The following RLF variants were observed in gnomAD, a reference collection of about 807,000 sequenced individuals.
RLF encodes the protein RLF zinc finger.
RLF carries 7 observed loss-of-function variants against 162.9 expected under a neutral mutation model. The ratio of observed to expected loss-of-function variants is 0.04; its 90% CI spans 0.02 to 0.08. The LOEUF is 0.08. RLF is among the 10% of genes least tolerant of loss of function. RLF has a pLI of 1.00. For missense variants in RLF, 1,664 were observed against 2,244.7 expected, an observed-to-expected ratio of 0.74 and a Z score of 5.23; for synonymous variants, 782 against 791.5, an observed-to-expected ratio of 0.99 and a Z score of 0.20.
intron 6 of RLF, among the ~76,000 whole-genome samples, chr1:40,230,609 T>G (rs1643140931): frequency 6.6e-6 from 1 of 152,094 alleles, no homozygotes; most frequent in Non-Finnish European, 1.5e-5. Context: ...AGTTTTATAT[T>G]TGTAGTAGAG....
intron 3 of RLF, among the ~76,000 whole-genome samples, chr1:40,193,162 T>TTATTTCTG (rs1642583639): frequency 6.6e-6 from 1 of 151,242 alleles, no homozygotes; most frequent in African/African-American, 2.4e-5. Flanking sequence ...TCTTGTGCTA[T>TTATTTCTG]TATTTCTGTA....
In RLF at chr1:40,239,085, C is replaced by T. The variant is rs1643255835; in HGVS notation, c.4383C>T (p.Tyr1461=). ...AGATTTTCACCCATCGCAGTAATTA[C>T]TCACAACATGTATATTACCGACATA... ...CGQIFTHRSN[Y]SQHVYYRHKD... Residue 1461 remains tyrosine, a synonymous_variant, in exon 8 of 8, where the codon TAC becomes TAT. Coordinates refer to ENST00000372771, the MANE Select transcript of RLF (RefSeq NM_012421.4). 1.7e-5 allele frequency: 27 copies of T among 1,614,004 alleles called. No individual in the cohort carries two copies. The highest frequency in any genetic ancestry group is 2.3e-5 in the Non-Finnish European group (27 of 1,180,028).
In RLF at chr1:40,237,779, G is replaced by T. The variant is rs201179180; in HGVS notation, c.3077G>T (p.Gly1026Val). The T allele has an allele frequency of 2.4e-4, 384 of 1,614,032 alleles. 1 individual carries two copies. The highest frequency in any genetic ancestry group is 3.0e-4 in the Non-Finnish European group (359 of 1,179,998). Residue 1026 changes from glycine to valine, a missense_variant, in exon 8 of 8, where the codon GGT becomes GTT. Transcript: ENST00000372771. The surrounding 1 kb of genome is among the most constrained non-coding windows in gnomAD (Gnocchi z 4.4). Reference protein sequence around the residue: ...SDTNSDSPDEGLDHNIHIKCK... With the variant: ...SDTNSDSPDEVLDHNIHIKCK... Reference sequence around the variant, plus strand: ...ACAAACAGTGACTCCCCAGATGAAGGTCTAGATCACAATATTCACATTAAA... The same window carrying T: ...ACAAACAGTGACTCCCCAGATGAAGTTCTAGATCACAATATTCACATTAAA...
intron 3 of RLF, among the ~76,000 whole-genome samples, chr1:40,193,428 G>C (rs1029635557): frequency 3.3e-5 from 5 of 152,092 alleles, no homozygotes; most frequent in African/African-American, 1.2e-4. Context: ...TCAAACTGTG[G>C]TTTTTATTTC....
intron 3 of RLF, among the ~76,000 whole-genome samples, chr1:40,194,958 C>T (rs1054672223): frequency 6.6e-6 from 1 of 151,450 alleles, no homozygotes; most frequent in Non-Finnish European, 1.5e-5. Context: ...CTCAGCCTCC[C>T]GAGTAGCTGG....
At chr1:40,186,675 A>G (rs1322375261) in intron 1 of RLF, among the ~76,000 whole-genome samples, 1 of 152,204 alleles carries the variant, frequency 6.6e-6, no homozygotes, top group Non-Finnish European at 1.5e-5. Flanking sequence ...GTATTGACTC[A>G]TTCTGAAAGC....
chr1:40,194,339 A>G (rs1642600325), intron 3 of RLF, among the ~76,000 whole-genome samples: 1 of 152,126 alleles, frequency 6.6e-6, no homozygotes, highest in Non-Finnish European at 1.5e-5. Flanking sequence ...AAGCGGCACC[A>G]ATGGCTTTCA....
chr1:40,190,658 TA>T (rs952061149), intron 2 of RLF, 113 bp from the exon 3 acceptor site: 5 of 670,876 alleles, frequency 7.5e-6, no homozygotes, highest in Non-Finnish European at 1.2e-5. Context: ...TTTTGAAGAG[TA>T]AAAACATTTA....
At position 40,240,145 on chromosome 1, in the gene RLF, A is replaced by G. The variant is rs1643274843; in HGVS notation, c.5443A>G (p.Asn1815Asp). 7 of 1,614,168 alleles carry G rather than the reference A, an allele frequency of 4.3e-6. No homozygotes were observed. The highest frequency in any genetic ancestry group is 5.9e-6 in the Non-Finnish European group (7 of 1,180,026). The change falls in exon 8 of 8, where the codon AAT (asparagine) becomes GAT (aspartate). Residue 1815 changes from asparagine to aspartate, a missense_variant. Asn to Asp is a conservative substitution (Grantham distance 23). Transcript: ENST00000372771. Reference protein sequence around the residue: ...SNDLTGNVVANNMVNDSEPEV... With the variant: ...SNDLTGNVVADNMVNDSEPEV... Reference sequence around the variant, plus strand: ...TGATTTAACAGGGAATGTTGTGGCAAATAATATGGTGAATGACAGTGAACC... The same window carrying G: ...TGATTTAACAGGGAATGTTGTGGCAGATAATATGGTGAATGACAGTGAACC...
intron 5 of RLF, among the ~76,000 whole-genome samples, chr1:40,203,551 C>CAAAA (rs145740195): frequency 0.052 from 7,900 of 151,128 alleles, 602 homozygotes; most frequent in African/African-American, 0.17. Flanking sequence ...CTCAAAAAAA[C>CAAAA]AACAACTATT....
At chr1:40,204,384 CTA>C (rs1005969448) in intron 5 of RLF, among the ~76,000 whole-genome samples, 2 of 151,948 alleles carry the variant, frequency 1.3e-5, no homozygotes, top group African/African-American at 4.8e-5. Flanking sequence ...TTCACCTACT[CTA>C]TGTGTTTACC....
intron 1 of RLF, among the ~76,000 whole-genome samples, chr1:40,178,878 A>G (rs140242873): frequency 0.035 from 5,394 of 151,956 alleles, 142 homozygotes; most frequent in Non-Finnish European, 0.053. Context: ...TGTGTCACCC[A>G]GGCTGGAGAG....
chr1:40,208,393 C>T, intron 5 of RLF, among the ~76,000 whole-genome samples: 1 of 152,210 alleles, frequency 6.6e-6, no homozygotes, highest in East Asian at 1.9e-4. Context: ...ATGCTTTGCA[C>T]TGCCTGTCTT....
intron 1 of RLF, among the ~76,000 whole-genome samples, chr1:40,184,397 A>G (rs1415849729): frequency 1.3e-5 from 2 of 152,256 alleles, no homozygotes; most frequent in Non-Finnish European, 2.9e-5. Context: ...GAGATAAAGC[A>G]TAGGGACAGG....
chr1:40,238,452 A>C lies in RLF; in HGVS notation c.3750A>C (p.Glu1250Asp), dbSNP rs775270135. 2 of 1,614,046 alleles carry C rather than the reference A, an allele frequency of 1.2e-6. No individual in the cohort carries two copies. Among genetic ancestry groups the C allele is most frequent in the African/African-American group, 1.3e-5 (1 of 74,946 alleles). ...CACACTGTCATCCTAAAAAGGATGAATGTAGTTCTGAAACAGATTTGGAAT... is the reference window on the plus strand; with the variant it reads ...CACACTGTCATCCTAAAAAGGATGACTGTAGTTCTGAAACAGATTTGGAAT... ...EKPHCHPKKD[E>D]CSSETDLESS... The change falls in exon 8 of 8, where the codon GAA becomes GAC. Residue 1250 changes from glutamate to aspartate, a missense_variant. Coordinates refer to ENST00000372771, the MANE Select transcript of RLF (RefSeq NM_012421.4). The surrounding 1 kb of genome is among the most constrained non-coding windows in gnomAD (Gnocchi z 5.2).
chr1:40,178,591 A>G (rs1286963157), intron 1 of RLF, among the ~76,000 whole-genome samples: 4 of 150,574 alleles, frequency 2.7e-5, no homozygotes, highest in Admixed American at 2.6e-4. Context: ...TTTTGAAAAA[A>G]TAGTTTGAAC....
chr1:40,211,448 A>G (rs2124547633), intron 5 of RLF, among the ~76,000 whole-genome samples: 1 of 152,344 alleles, frequency 6.6e-6, no homozygotes, highest in South Asian at 2.1e-4. Flanking sequence ...TTGGTGATAT[A>G]TCATTCTGTT....
chr1:40,238,611 G>C lies in RLF; in HGVS notation c.3909G>C (p.Leu1303Phe). Reference sequence around the variant, plus strand: ...CTAAAGGAAATCTGTGTTATATTTTGAATAAATACCACAAACCATTCCATT... The same window carrying C: ...CTAAAGGAAATCTGTGTTATATTTTCAATAAATACCACAAACCATTCCATT... ...TVAKGNLCYI[L>F]NKYHKPFHCI... Residue 1303 changes from leucine to phenylalanine, a missense_variant, in exon 8 of 8, where the codon TTG (leucine) becomes TTC (phenylalanine). Coordinates refer to ENST00000372771, the MANE Select transcript of RLF (RefSeq NM_012421.4). The surrounding 1 kb of genome is among the most constrained non-coding windows in gnomAD (Gnocchi z 5.2). 2 of 1,613,528 alleles carry C rather than the reference G, an allele frequency of 1.2e-6. No individual in the cohort carries two copies. The highest frequency in any genetic ancestry group is 2.2e-5 in the East Asian group (1 of 44,870).
intron 1 of RLF, among the ~76,000 whole-genome samples, chr1:40,168,404 C>A (rs529890713): frequency 1.4e-4 from 22 of 152,202 alleles, no homozygotes; most frequent in African/African-American, 5.3e-4. Flanking sequence ...TGCCACCACG[C>A]CCAGCTAATT....
Sources: allele counts gnomAD v4.1 joint callset (sites outside exome capture counted in the v4.1 genomes callset), GRCh38; gene constraint gnomAD v4.1.1; non-coding constraint Gnocchi (gnomAD v3.1); transcripts MANE v1.5; gene names NCBI Gene and HGNC (gene_info 2026-07-23, HGNC 2026-07-21).